Variants in TIAM2 observed in about 807,000 individuals in gnomAD.
The protein encoded by TIAM2 is TIAM Rac1 associated GEF 2, also known as rho guanine nucleotide exchange factor TIAM2.
Under a neutral mutation model 152.9 loss-of-function variants are expected in TIAM2, and 80 were observed. The observed-to-expected ratio is 0.52, with a 90% CI of 0.44 to 0.63. The LOEUF (loss-of-function observed/expected upper bound fraction) is 0.63, where lower values mean the gene tolerates loss of function less well. Ranked by LOEUF, TIAM2 falls within the 30% of genes least tolerant of loss-of-function variation. The pLI is 0.00. For missense variants in TIAM2, 1,965 were observed against 2,120.1 expected (o/e 0.93, Z 1.44); for synonymous variants, 804 against 838.0 (o/e 0.96, Z 0.70).
intron 15 of TIAM2, among the ~76,000 whole-genome samples, chr6:155,221,527 A>G (rs1172666189): frequency 6.6e-6 from 1 of 152,148 alleles, no homozygotes; most frequent in East Asian, 1.9e-4. Context: ...TTTTGCTCTC[A>G]TCCTGTCTGA....
chr6:155,009,752 C>T (rs1415587632), intron 1 of TIAM2, among the ~76,000 whole-genome samples: 1 of 152,160 alleles, frequency 6.6e-6, no homozygotes, highest in African/African-American at 2.4e-5. Context: ...CAGAAGGCCC[C>T]TTGGGCCCCT....
Position 155,045,863 on chromosome 6 carries a change from GT to G in TIAM2, c.-208-44421del, listed in dbSNP as rs1169559656. Among the ~76,000 whole-genome samples the G allele has an allele frequency of 5.2e-5, 3 of 57,654 alleles. No homozygotes were observed. The East Asian group carries it at 1.6e-3, about 31-fold the overall frequency. 37.8% of individuals were successfully genotyped at this position (57,654 alleles called of 152,430 possible). The stretch of plus-strand genomic sequence containing the variant: ...CTCTTTTTTTTTTTTTTTTTTTTTG[GT>G]TTTTGTTTGTTTGTTTTAGCCATAG... On this transcript the variant is annotated intron_variant, in intron 1 of 26. Transcript: ENST00000682666.
At chr6:155,165,434 C>T (rs1780402213) in intron 9 of TIAM2, 25 bp downstream of exon 9, 1 of 1,590,792 alleles carries the variant, frequency 6.3e-7, no homozygotes, top group African/African-American at 1.4e-5. Context: ...ATGGGAACAG[C>T]AGACTAGAGT....
chr6:155,152,264 A>T (rs1779989502), intron 7 of TIAM2, among the ~76,000 whole-genome samples: 1 of 152,244 alleles, frequency 6.6e-6, no homozygotes, highest in Admixed American at 6.5e-5. Flanking sequence ...CAAAACTGCC[A>T]AGAAGAATGC....
chr6:155,059,332 G>GTA (rs1777524170), intron 1 of TIAM2, among the ~76,000 whole-genome samples: 1 of 150,176 alleles, frequency 6.7e-6, no homozygotes, highest in Non-Finnish European at 1.5e-5. Context: ...GTGTGCGCGT[G>GTA]TATGTTTTTG....
chr6:155,240,473 G>A, intron 15 of TIAM2, 57 bp from the exon 16 acceptor site: 1 of 1,530,016 alleles, frequency 6.5e-7, no homozygotes, highest in South Asian at 1.2e-5. Flanking sequence ...CTTGGGGGCA[G>A]CGGATACTAT....
intron 1 of TIAM2, among the ~76,000 whole-genome samples, chr6:155,041,998 G>T (rs60028993): frequency 0.018 from 2,664 of 152,082 alleles, 65 homozygotes; most frequent in African/African-American, 0.059. Flanking sequence ...AGTTTTACTC[G>T]ACTTCCCATC....
At chr6:155,036,732 T>C (rs1457808289) in intron 1 of TIAM2, among the ~76,000 whole-genome samples, 3 of 151,618 alleles carry the variant, frequency 2.0e-5, no homozygotes, top group South Asian at 2.1e-4. Context: ...ATTCTCCTGC[T>C]TCAGCCTCCT....
In TIAM2 at chr6:155,088,203, C is replaced by T. The variant is rs142714128; in HGVS notation, c.-208-2086C>T. Among the ~76,000 whole-genome samples the T allele has an allele frequency of 9.1e-3, 1,385 of 151,858 alleles. 25 individuals are homozygous for T. Among genetic ancestry groups the T allele is most frequent in the African/African-American group, 0.032 (1,312 of 41,420 alleles). On this transcript the variant is annotated intron_variant, in intron 1 of 26. Coordinates refer to ENST00000682666, the MANE Select transcript of TIAM2 (RefSeq NM_012454.4). ...CGGAGTAGCTGGGATTACAGGCATG[C>T]GCCACCACGCCCGGCTAATGTTTTG...
chr6:155,039,397 G>C (rs1776979513), intron 1 of TIAM2, among the ~76,000 whole-genome samples: 1 of 152,224 alleles, frequency 6.6e-6, no homozygotes, highest in South Asian at 2.1e-4. Context: ...AGTCTGAGAT[G>C]TAAGAAATTT....
intron 2 of TIAM2, among the ~76,000 whole-genome samples, chr6:155,091,082 T>C (rs1192396036): frequency 6.6e-6 from 1 of 152,186 alleles, no homozygotes; most frequent in African/African-American, 2.4e-5. Context: ...AGGCATAACC[T>C]TCTGCTGTTT....
chr6:155,135,488 A>G (rs980397810), intron 4 of TIAM2, among the ~76,000 whole-genome samples: 4 of 152,196 alleles, frequency 2.6e-5, no homozygotes, highest in African/African-American at 9.6e-5. Context: ...TTTAAGCCAT[A>G]AATGTTGAAT....
Position 155,174,336 on chromosome 6 carries a change from C to T in TIAM2, c.2362-2480C>T, listed in dbSNP as rs1204526261. Among the ~76,000 whole-genome samples the T allele has an allele frequency of 6.6e-6, 1 of 151,344 alleles. No individual in the cohort carries two copies. Among genetic ancestry groups the T allele is most frequent in the South Asian group, 2.1e-4 (1 of 4,798 alleles). On this transcript the variant is annotated intron_variant, in intron 9 of 26. Coordinates refer to ENST00000682666, the MANE Select transcript of TIAM2 (RefSeq NM_012454.4). This position sits in a 1 kb window ranked among gnomAD's most constrained non-coding sequence, Gnocchi z 4.2. ...GTGAGTGGTGAGTGAACTGATGGCA[C>T]ATCAGGAGCTTGTTTCATTTGGTCT...
intron 1 of TIAM2, chr6:155,016,416 A>G (rs1778582752): frequency 6.6e-6 from 1 of 152,120 alleles, no homozygotes. Flanking sequence ...AGGATAAAAA[A>G]ATTATTGTGT....
intron 2 of TIAM2, among the ~76,000 whole-genome samples, chr6:155,121,383 C>A (rs748216842): frequency 1.1e-4 from 17 of 152,172 alleles, no homozygotes; most frequent in Non-Finnish European, 2.4e-4. Flanking sequence ...TGTTTCCACA[C>A]TTGATTCTCA....
chr6:155,127,721 C>A (rs1779329710), intron 3 of TIAM2, 121 bp downstream of exon 3: 1 of 410,670 alleles, frequency 2.4e-6, no homozygotes, highest in Non-Finnish European at 4.8e-6. Context: ...ATAATTACCA[C>A]CAAAGAAAAG....
In TIAM2 at chr6:155,254,347, C is replaced by T. The variant is rs962430199; in HGVS notation, c.4314-72C>T. The T allele has an allele frequency of 1.3e-5, 20 of 1,561,652 alleles. No homozygotes were observed. In the East Asian group the frequency reaches 3.6e-4, roughly 28 times the overall value. ...CCAGCAGGTGCAAGGCACAGGAACA[C>T]AGGCGGGCGTGGAATGGAAGCACGA... On this transcript the variant is annotated intron_variant, in intron 25 of 26. Coordinates refer to ENST00000682666, the MANE Select transcript of TIAM2 (RefSeq NM_012454.4).
intron 4 of TIAM2, among the ~76,000 whole-genome samples, chr6:155,133,217 T>C (rs1255418166): frequency 6.6e-6 from 1 of 152,124 alleles, no homozygotes; most frequent in Non-Finnish European, 1.5e-5. Context: ...CATGCTGGCA[T>C]GTGCCTGTTA....
intron 15 of TIAM2, among the ~76,000 whole-genome samples, chr6:155,240,096 T>G (rs1782957976): frequency 2.0e-5 from 3 of 152,214 alleles, no homozygotes; most frequent in African/African-American, 4.8e-5. Flanking sequence ...CTCCGGGCTG[T>G]TCTGTGTGGG....
Sources: allele counts gnomAD v4.1 joint callset (sites outside exome capture counted in the v4.1 genomes callset), GRCh38; gene constraint gnomAD v4.1.1; non-coding constraint Gnocchi (gnomAD v3.1); transcripts MANE v1.5; gene names NCBI Gene and HGNC (gene_info 2026-07-23, HGNC 2026-07-21).